The following ERBB4 variants were observed in gnomAD, a reference collection of about 807,000 sequenced individuals.
ERBB4 encodes erb-b2 receptor tyrosine kinase 4.
ERBB4 carries 42 observed loss-of-function variants against 158.0 expected under a neutral mutation model. That is an observed-to-expected ratio of 0.27 (90% confidence interval 0.21 to 0.34). ERBB4 has a LOEUF of 0.34. Ranked by LOEUF, ERBB4 falls within the 10% of genes least tolerant of loss-of-function variation. The pLI, the probability that ERBB4 is intolerant of heterozygous loss-of-function variation, is 1.00. For synonymous variants in ERBB4, 583 were observed against 558.7 expected (o/e 1.04, Z -0.61); for missense variants, 1,333 against 1,624.1 (o/e 0.82, Z 3.08).
intron 4 of ERBB4, among the ~76,000 whole-genome samples, chr2:211,787,350 G>T (rs1388621095): frequency 1.3e-5 from 2 of 152,136 alleles, no homozygotes; most frequent in Non-Finnish European, 2.9e-5. Context: ...TTAAATCATG[G>T]TTCAAATATT....
At chr2:211,493,525 A>G (rs938861030) in intron 20 of ERBB4, among the ~76,000 whole-genome samples, 1 of 152,018 alleles carries the variant, frequency 6.6e-6, no homozygotes, top group Admixed American at 6.6e-5. Context: ...GATTCTGAGA[A>G]ACTAAGACAC....
chr2:212,078,708 T>C (rs1426695851), intron 2 of ERBB4, among the ~76,000 whole-genome samples: 3 of 151,814 alleles, frequency 2.0e-5, no homozygotes, highest in African/African-American at 4.8e-5. Flanking sequence ...ACATCCACCA[T>C]TTGCAGTTAA....
intron 17 of ERBB4, among the ~76,000 whole-genome samples, chr2:211,629,244 C>T (rs2069998192): frequency 6.6e-6 from 1 of 152,214 alleles, no homozygotes; most frequent in East Asian, 1.9e-4. Context: ...CATTCTTATA[C>T]ACCAATAACA....
intron 1 of ERBB4, among the ~76,000 whole-genome samples, chr2:212,258,000 G>A (rs2084802810): frequency 6.6e-6 from 1 of 151,858 alleles, no homozygotes. Context: ...TTATAAAAGT[G>A]GTTTATGAAG....
chr2:211,863,480 G>A (rs1208725625), intron 3 of ERBB4, among the ~76,000 whole-genome samples: 1 of 152,134 alleles, frequency 6.6e-6, no homozygotes, highest in Non-Finnish European at 1.5e-5. Context: ...ACCTTTATGA[G>A]CTGTAACACT....
chr2:211,750,805 G>T (rs2075110013), intron 4 of ERBB4, 101 bp from the exon 5 acceptor site: 5 of 1,003,802 alleles, frequency 5.0e-6, no homozygotes, highest in Non-Finnish European at 7.8e-6. Context: ...CCTTTATGAG[G>T]ATTTTTATGT....
chr2:211,739,748 C>T (rs918146498), intron 5 of ERBB4, among the ~76,000 whole-genome samples: 8 of 152,190 alleles, frequency 5.3e-5, no homozygotes, highest in Non-Finnish European at 1.0e-4. Flanking sequence ...GGATTACAGG[C>T]GTGAGCCACT....
At chr2:212,015,827 G>C (rs2076515950) in intron 2 of ERBB4, among the ~76,000 whole-genome samples, 1 of 152,102 alleles carries the variant, frequency 6.6e-6, no homozygotes, top group African/African-American at 2.4e-5. Context: ...GCCAGTACTT[G>C]AGGCCCTTTG....
intron 1 of ERBB4, among the ~76,000 whole-genome samples, chr2:212,536,946 C>T (rs1693105993): frequency 6.6e-6 from 1 of 152,076 alleles, no homozygotes; most frequent in African/African-American, 2.4e-5. Context: ...TCTAAGAGGC[C>T]GCTTGGAATG....
At chr2:211,701,078 A>G (rs984793706) in intron 12 of ERBB4, among the ~76,000 whole-genome samples, 1 of 152,184 alleles carries the variant, frequency 6.6e-6, no homozygotes, top group African/African-American at 2.4e-5. Context: ...CAAAAGCATT[A>G]TTTGCTTCAG....
chr2:211,865,614 A>G (rs73989217), intron 3 of ERBB4, among the ~76,000 whole-genome samples: 7,049 of 152,104 alleles, frequency 0.046, 583 homozygotes, highest in African/African-American at 0.16. Context: ...CAGCCTCCCA[A>G]GTAGCTGGGA....
chr2:211,506,858 G>T (rs755241338), intron 20 of ERBB4, among the ~76,000 whole-genome samples: 11 of 151,756 alleles, frequency 7.2e-5, no homozygotes, highest in South Asian at 2.1e-4. Context: ...CAGAATAAAA[G>T]AAACAAAAAT....
intron 3 of ERBB4, among the ~76,000 whole-genome samples, chr2:211,890,531 A>G (rs1197292206): frequency 6.6e-6 from 1 of 151,874 alleles, no homozygotes; most frequent in Non-Finnish European, 1.5e-5. Context: ...CATCATAATG[A>G]CTGGATCAAA....
intron 25 of ERBB4, among the ~76,000 whole-genome samples, chr2:211,400,164 G>C (rs1337407904): frequency 6.6e-6 from 1 of 152,058 alleles, no homozygotes; most frequent in Non-Finnish European, 1.5e-5. Flanking sequence ...CCTTAAAAAA[G>C]TGTTCTCTAA....
At chr2:211,939,957 GAAAA>G (rs60601231) in intron 3 of ERBB4, among the ~76,000 whole-genome samples, 1 of 138,388 alleles carries the variant, frequency 7.2e-6, no homozygotes, top group Non-Finnish European at 1.6e-5. Context: ...AAAAAAAAAG[GAAAA>G]AAAAAATATA....
intron 2 of ERBB4, among the ~76,000 whole-genome samples, chr2:212,072,964 C>T (rs1010350013): frequency 6.6e-6 from 1 of 151,354 alleles, no homozygotes; most frequent in Non-Finnish European, 1.5e-5. Flanking sequence ...ACAACAACAA[C>T]TGGACTGAGG....
chr2:212,243,399 A>C (rs1466375926), intron 1 of ERBB4, among the ~76,000 whole-genome samples: 1 of 152,176 alleles, frequency 6.6e-6, no homozygotes, highest in African/African-American at 2.4e-5. Flanking sequence ...TTGTTTTGTA[A>C]TAACAAATCA....
intron 20 of ERBB4, among the ~76,000 whole-genome samples, chr2:211,464,210 G>T (rs528389587): frequency 2.0e-5 from 3 of 152,170 alleles, no homozygotes; most frequent in Admixed American, 1.3e-4. Flanking sequence ...GCAGAATTTG[G>T]TTTTTGTCTG....
intron 16 of ERBB4, among the ~76,000 whole-genome samples, chr2:211,639,285 C>T (rs2070481149): frequency 6.6e-6 from 1 of 152,136 alleles, no homozygotes; most frequent in Admixed American, 6.5e-5. Flanking sequence ...CGTTAAGTAT[C>T]ACTATGTCCT....
Sources: gnomAD v4.1 joint callset for allele counts (sites outside exome capture counted in the v4.1 genomes callset) on GRCh38, gnomAD v4.1.1 for gene constraint, MANE v1.5 for transcripts, NCBI Gene and HGNC (gene_info 2026-07-23, HGNC 2026-07-21) for gene names.